SV2B: variants seen among roughly 807,000 people sequenced by gnomAD.
SV2B encodes solute carrier family 22 member B2.
Under a neutral mutation model 73.9 loss-of-function variants are expected in SV2B, and 41 were observed. The ratio of observed to expected loss-of-function variants is 0.56; its 90% CI spans 0.43 to 0.72. The LOEUF (loss-of-function observed/expected upper bound fraction) is 0.72. Ranked by LOEUF, SV2B falls within the 30% of genes least tolerant of loss-of-function variation. The pLI is 0.00. For synonymous variants in SV2B, 314 were observed against 314.2 expected, an observed-to-expected ratio of 1.00 and a Z score of 0.01; for missense variants, 764 against 857.8, an observed-to-expected ratio of 0.89 and a Z score of 1.37.
chr15:91,190,511 T>C (rs1460991539), intron 1 of SV2B, among the ~76,000 whole-genome samples: 3 of 152,208 alleles, frequency 2.0e-5, no homozygotes, highest in Admixed American at 6.5e-5. Flanking sequence ...GTAATCAGTA[T>C]TTATCTGTAG....
chr15:91,263,048 A>C (rs2047967119), intron 6 of SV2B, among the ~76,000 whole-genome samples: 1 of 152,126 alleles, frequency 6.6e-6, no homozygotes, highest in Non-Finnish European at 1.5e-5. Flanking sequence ...CACTACATCA[A>C]CCTGGCCTGA....
chr15:91,284,891 C>T lies in SV2B; in HGVS notation c.1708+670C>T, dbSNP rs1392339282. 2.0e-5 allele frequency among the ~76,000 whole-genome samples: 3 copies of T among 152,150 alleles called. No homozygotes were observed. Among genetic ancestry groups the T allele is most frequent in the East Asian group, 1.9e-4 (1 of 5,204 alleles). On this transcript the variant is annotated intron_variant, in intron 11 of 12. Transcript: ENST00000394232. The surrounding 1 kb of genome is among the most constrained non-coding windows in gnomAD (Gnocchi z 4.5). ...CATCGGGACTTGCAGCAATTTATTA[C>T]AGAAACACATGCCATGAATGGTAAA... is the stretch of plus-strand genomic sequence containing the variant.
At chr15:91,259,197 G>A (rs961657951) in intron 5 of SV2B, among the ~76,000 whole-genome samples, 1 of 152,178 alleles carries the variant, frequency 6.6e-6, no homozygotes, top group African/African-American at 2.4e-5. Context: ...ACAGCTCGTT[G>A]CTGCTCCTAA....
intron 1 of SV2B, among the ~76,000 whole-genome samples, chr15:91,174,467 T>C (rs1326166634): frequency 1.4e-5 from 2 of 141,342 alleles, no homozygotes; most frequent in Non-Finnish European, 3.0e-5. Flanking sequence ...TGCTGTGTTA[T>C]CCTTTGTTTA....
At chr15:91,176,136 G>A (rs1179397849) in intron 1 of SV2B, among the ~76,000 whole-genome samples, 2 of 151,310 alleles carry the variant, frequency 1.3e-5, no homozygotes, top group Non-Finnish European at 1.5e-5. Context: ...GAGAACATGC[G>A]GTGTTTGGTT....
At position 91,275,445 on chromosome 15, in the gene SV2B, C is replaced by T. The variant is rs190127676; in HGVS notation, c.1374-6283C>T. On this transcript the variant is annotated intron_variant, in intron 9 of 12. Transcript: ENST00000394232. ...TTTTATGTGATTGTTGTCATACATA[C>T]TTGTTTTACATATGCTATAAACACG... 2.3e-3 allele frequency among the ~76,000 whole-genome samples: 348 copies of T among 152,278 alleles called. 1 individual carries two copies. The highest frequency in any genetic ancestry group is 6.5e-3 in the African/African-American group (269 of 41,542).
rs2048138713 is a variant in SV2B, at chr15:91,267,290, G to T, written c.1120-265G>T. Among the ~76,000 whole-genome samples, 1 of 152,226 alleles carries T rather than the reference G, an allele frequency of 6.6e-6. No homozygotes were observed. The highest frequency in any genetic ancestry group is 1.5e-5 in the Non-Finnish European group (1 of 68,040). On this transcript the variant is annotated intron_variant, in intron 7 of 12. Transcript: ENST00000394232. The surrounding 1 kb of genome is among the most constrained non-coding windows in gnomAD (Gnocchi z 4.3). The stretch of plus-strand genomic sequence containing the variant: ...CTCAGTGCCTTGAAGTCCTAACTCA[G>T]TGTGCTTTCAATCACATTCATGGAA...
At chr15:91,156,727 G>T (rs1222970795) in intron 1 of SV2B, among the ~76,000 whole-genome samples, 1 of 152,174 alleles carries the variant, frequency 6.6e-6, no homozygotes, top group African/African-American at 2.4e-5. Flanking sequence ...TATCAATTTA[G>T]AGTGAAAACC....
chr15:91,253,715 A>G lies in SV2B; in HGVS notation c.784+1195A>G, dbSNP rs558107505. On this transcript the variant is annotated intron_variant, in intron 4 of 12. Coordinates refer to ENST00000394232, the MANE Select transcript of SV2B (RefSeq NM_001323032.3). The surrounding 1 kb of genome is among the most constrained non-coding windows in gnomAD (Gnocchi z 5.0). Reference sequence around the variant, plus strand: ...TCCGGTTTGGGGAAAGAGAATGGGCAGTTGTAGATTGGCTGAAGGCCAGGA... The same window carrying G: ...TCCGGTTTGGGGAAAGAGAATGGGCGGTTGTAGATTGGCTGAAGGCCAGGA... 2.0e-5 allele frequency among the ~76,000 whole-genome samples: 3 copies of G among 152,354 alleles called. No homozygotes were observed. Among genetic ancestry groups the G allele is most frequent in the African/African-American group, 7.2e-5 (3 of 41,594 alleles).
At chr15:91,112,432 C>G (rs1466826431) in intron 1 of SV2B, among the ~76,000 whole-genome samples, 1 of 152,162 alleles carries the variant, frequency 6.6e-6, no homozygotes, top group African/African-American at 2.4e-5. Context: ...AATAGAGAAG[C>G]AGCCTTGGAA....
Position 91,302,430 on chromosome 15 carries a change from G to C in SV2B, c.*9878G>C, listed in dbSNP as rs762714848. Reference sequence around the variant, plus strand: ...TGATGCTGGTTGTCAGAGGGCTGAGGGTGGTGGCCTTTTGCTAACTGGTAT... The same window carrying C: ...TGATGCTGGTTGTCAGAGGGCTGAGCGTGGTGGCCTTTTGCTAACTGGTAT... On this transcript the variant is annotated 3_prime_UTR_variant, in exon 13 of 13. Transcript: ENST00000394232. Among the ~76,000 whole-genome samples, 6 of 152,210 alleles carry C rather than the reference G, an allele frequency of 3.9e-5. No individual in the cohort carries two copies. The highest frequency in any genetic ancestry group is 4.2e-4 in the South Asian group (2 of 4,802).
At chr15:91,125,408 C>T (rs974016491) in intron 1 of SV2B, among the ~76,000 whole-genome samples, 17 of 152,228 alleles carry the variant, frequency 1.1e-4, no homozygotes, top group African/African-American at 2.6e-4. Context: ...AATCATCCAA[C>T]GGTGATCCCA....
chr15:91,272,509 C>T (rs1289268063), intron 9 of SV2B, among the ~76,000 whole-genome samples: 1 of 152,074 alleles, frequency 6.6e-6, no homozygotes, highest in Non-Finnish European at 1.5e-5. Flanking sequence ...TTACTCCTGG[C>T]GGTTCCTCAA....
intron 1 of SV2B, among the ~76,000 whole-genome samples, chr15:91,125,469 C>T (rs945153679): frequency 6.6e-6 from 1 of 152,058 alleles, no homozygotes; most frequent in African/African-American, 2.4e-5. Flanking sequence ...AGTGAGGCTT[C>T]CCTTAAGAAC....
At chr15:91,248,178 G>T (rs550982711) in intron 2 of SV2B, among the ~76,000 whole-genome samples, 1 of 152,034 alleles carries the variant, frequency 6.6e-6, no homozygotes, top group Admixed American at 6.6e-5. Flanking sequence ...AAAATTAGCC[G>T]GGCGTGGTGG....
intron 1 of SV2B, among the ~76,000 whole-genome samples, chr15:91,143,559 T>C (rs185920075): frequency 6.8e-4 from 103 of 152,356 alleles, no homozygotes; most frequent in African/African-American, 2.4e-3. Context: ...CTGTTTTTAG[T>C]AGTGCTATTT....
intron 1 of SV2B, among the ~76,000 whole-genome samples, chr15:91,216,322 G>C (rs774185821): frequency 6.6e-6 from 1 of 152,158 alleles, no homozygotes; most frequent in Non-Finnish European, 1.5e-5. Flanking sequence ...CAGTCAGTCG[G>C]TAGAACCACT....
Position 91,297,472 on chromosome 15 carries a change from A to C in SV2B, c.*4920A>C, listed in dbSNP as rs1438323451. The C allele has an allele frequency of 6.6e-6, 1 of 151,994 alleles. No homozygotes were observed. Among genetic ancestry groups the C allele is most frequent in the African/African-American group, 2.4e-5 (1 of 41,350 alleles). 9.4% of individuals were successfully genotyped at this position (151,994 alleles called of 1,614,324 possible). The stretch of plus-strand genomic sequence containing the variant: ...CAGAATCACCCAGAAAGATGTTAAA[A>C]CTCACTCTTCAAGGCCCCATCCCCA... On this transcript the variant is annotated 3_prime_UTR_variant, in exon 13 of 13. Transcript: ENST00000394232. This position sits in a 1 kb window ranked among gnomAD's most constrained non-coding sequence, Gnocchi z 5.1.
At position 91,258,668 on chromosome 15, in the gene SV2B, ACT is replaced by A. The variant is rs1378326947; in HGVS notation, c.918+118_918+119del. On this transcript the variant is annotated intron_variant, in intron 5 of 12. Transcript: ENST00000394232. The surrounding 1 kb of genome is among the most constrained non-coding windows in gnomAD (Gnocchi z 4.7). ...ATCCTCTGCTGCTTATGTGTTGCAA[ACT>A]CTCCCCTGGTCGGCTGACCTCACTC... The A allele has an allele frequency of 2.7e-6, 4 of 1,458,332 alleles. No individual in the cohort carries two copies. The highest frequency in any genetic ancestry group is 2.9e-5 in the African/African-American group (2 of 70,006). The allele number at this position is 1,458,332 out of a possible 1,614,324, so 90.3% of individuals were successfully genotyped here.
Sources: gnomAD v4.1 joint callset for allele counts (sites outside exome capture counted in the v4.1 genomes callset) on GRCh38, gnomAD v4.1.1 for gene constraint, Gnocchi (gnomAD v3.1) non-coding constraint, MANE v1.5 for transcripts, NCBI Gene and HGNC (gene_info 2026-07-23, HGNC 2026-07-21) for gene names.